Variants in GPC5 observed in about 807,000 individuals in gnomAD.
GPC5 encodes the protein glypican 5, also known as glypican-5.
A neutral mutation model predicts 53.9 loss-of-function variants in GPC5; 47 were observed. The ratio of observed to expected loss-of-function variants is 0.87; its 90% CI spans 0.69 to 1.11. The LOEUF is 1.11. GPC5 is among the 50% of genes most tolerant of loss of function. The pLI is 0.00. For synonymous variants in GPC5, 286 were observed against 263.3 expected (o/e 1.09, Z -0.84); for missense variants, 748 against 713.1 (o/e 1.05, Z -0.56).
intron 7 of GPC5, among the ~76,000 whole-genome samples, chr13:92,492,667 G>T (rs760050955): frequency 1.5e-3 from 224 of 152,182 alleles, no homozygotes; most frequent in Non-Finnish European, 2.6e-3. Flanking sequence ...AGTAAAACTA[G>T]AACAATCAAA....
rs867910855 is a variant in GPC5 at position 92,433,155 on chromosome 13, G to C, written c.1561+288166G>C. ...AGAATGGGAGGAATGTATGATACAG[G>C]AGAAGAAAAATAGAATATTTGCCAA... On this transcript the variant is annotated intron_variant, in intron 7 of 7. Transcript: ENST00000377067. 6.6e-5 allele frequency among the ~76,000 whole-genome samples: 10 copies of C among 152,176 alleles called. No homozygotes were observed. In the South Asian group the frequency reaches 8.3e-4, roughly 13 times the overall value.
At chr13:91,630,082 G>A (rs116016830) in intron 2 of GPC5, among the ~76,000 whole-genome samples, 1,794 of 152,246 alleles carry the variant, frequency 0.012, 18 homozygotes, top group African/African-American at 0.032. Context: ...ATCAAAGAAT[G>A]ACTCCTTGTA....
chr13:91,756,616 G>C (rs1049820008), intron 5 of GPC5, among the ~76,000 whole-genome samples, 196 bp downstream of exon 5: 1 of 151,332 alleles, frequency 6.6e-6, no homozygotes, highest in African/African-American at 2.4e-5. Context: ...AACTATAATA[G>C]CATTCTGTGG....
At chr13:92,548,795 G>A (rs1276896099) in intron 7 of GPC5, among the ~76,000 whole-genome samples, 1 of 151,816 alleles carries the variant, frequency 6.6e-6, no homozygotes, top group Non-Finnish European at 1.5e-5. Context: ...TTAATATCAA[G>A]TCTGCTCTAC....
intron 6 of GPC5, among the ~76,000 whole-genome samples, chr13:91,950,207 C>G (rs1327658118): frequency 6.6e-6 from 1 of 151,568 alleles, no homozygotes; most frequent in African/African-American, 2.4e-5. Context: ...CATGCTCTAA[C>G]CTTATTTCTC....
rs186458684 is a variant in GPC5 at position 92,326,236 on chromosome 13, C to T, written c.1561+181247C>T. Among the ~76,000 whole-genome samples, 112 of 152,032 alleles carry T rather than the reference C, an allele frequency of 7.4e-4. 1 individual carries two copies. Among genetic ancestry groups the T allele is most frequent in the African/African-American group, 2.5e-3 (103 of 41,504 alleles). On this transcript the variant is annotated intron_variant, in intron 7 of 7. Transcript: ENST00000377067. ...CTCATTCAGGTGTAATTCTACTTGC[C>T]GGTAAGTATATCCTGCAACTATGAT...
At chr13:92,080,811 G>A (rs542987788) in intron 6 of GPC5, among the ~76,000 whole-genome samples, 82 of 152,254 alleles carry the variant, frequency 5.4e-4, no homozygotes, top group African/African-American at 1.9e-3. Flanking sequence ...CTAACCACTT[G>A]TCCTGGCTCA....
intron 1 of GPC5, among the ~76,000 whole-genome samples, chr13:91,441,942 C>T (rs1880467339): frequency 6.6e-6 from 1 of 152,056 alleles, no homozygotes; most frequent in African/African-American, 2.4e-5. Context: ...TGTATTGGTA[C>T]CAAAGACTCT....
intron 3 of GPC5, among the ~76,000 whole-genome samples, chr13:91,708,318 T>C (rs2036153186): frequency 6.6e-6 from 1 of 152,094 alleles, no homozygotes; most frequent in Non-Finnish European, 1.5e-5. Flanking sequence ...ATACTCTGAG[T>C]TGGGTTTCCG....
At chr13:92,862,626 C>CAGATAGATAGAT (rs369002690) in intron 7 of GPC5, among the ~76,000 whole-genome samples, 582 of 129,752 alleles carry the variant, frequency 4.5e-3, no homozygotes, top group South Asian at 7.7e-3. Context: ...GATAGATAGA[C>CAGATAGATAGAT]AGATAGATAG....
chr13:92,123,004 A>G (rs747167644), intron 6 of GPC5, among the ~76,000 whole-genome samples: 4 of 152,258 alleles, frequency 2.6e-5, no homozygotes, highest in Non-Finnish European at 4.4e-5. Context: ...CTATTCTTTG[A>G]TACTGGTTTT....
At chr13:92,160,059 C>T (rs893042536) in intron 7 of GPC5, among the ~76,000 whole-genome samples, 1 of 152,084 alleles carries the variant, frequency 6.6e-6, no homozygotes, top group African/African-American at 2.4e-5. Flanking sequence ...CACACTGCCA[C>T]ACTGGGCTAA....
intron 2 of GPC5, among the ~76,000 whole-genome samples, chr13:91,665,505 C>CTTTTTTTTTTCTTTCT (rs2035088872): frequency 1.4e-5 from 2 of 146,132 alleles, no homozygotes; most frequent in African/African-American, 5.2e-5. Context: ...AAAAGCCAGT[C>CTTTTTTTTTTCTTTCT]TTTTTTTTTT....
chr13:92,371,151 A>AAAACC (rs765875912), intron 7 of GPC5, among the ~76,000 whole-genome samples: 1 of 152,358 alleles, frequency 6.6e-6, no homozygotes, highest in Non-Finnish European at 1.5e-5. Context: ...CACCATGTCC[A>AAAACC]AAACCAAACC....
intron 5 of GPC5, among the ~76,000 whole-genome samples, chr13:91,869,405 C>A (rs2039119712): frequency 6.6e-6 from 1 of 152,154 alleles, no homozygotes. Context: ...TATTCTTGGA[C>A]AAAGCCAGAG....
At chr13:91,564,745 A>G (rs2031447432) in intron 2 of GPC5, among the ~76,000 whole-genome samples, 1 of 152,116 alleles carries the variant, frequency 6.6e-6, no homozygotes, top group South Asian at 2.1e-4. Context: ...TCCAGGTATC[A>G]AATATGGGCT....
chr13:91,694,087 C>T (rs999871672), intron 3 of GPC5, among the ~76,000 whole-genome samples: 4 of 152,058 alleles, frequency 2.6e-5, no homozygotes, highest in African/African-American at 7.2e-5. Flanking sequence ...AGTACTGTGA[C>T]GTGGCAAGAG....
At chr13:92,389,298 C>A (rs1450552583) in intron 7 of GPC5, among the ~76,000 whole-genome samples, 2 of 152,068 alleles carry the variant, frequency 1.3e-5, no homozygotes, top group Non-Finnish European at 2.9e-5. Flanking sequence ...AAGATCACAC[C>A]CTTTGGAACA....
intron 7 of GPC5, among the ~76,000 whole-genome samples, chr13:92,858,053 C>A (rs1879061900): frequency 6.6e-6 from 1 of 152,140 alleles, no homozygotes; most frequent in Admixed American, 6.5e-5. Context: ...ATAGCAAAGA[C>A]CTAGAACCAA....
Sources: gnomAD v4.1 joint callset for allele counts (sites outside exome capture counted in the v4.1 genomes callset) on GRCh38, gnomAD v4.1.1 for gene constraint, MANE v1.5 for transcripts, NCBI Gene and HGNC (gene_info 2026-07-23, HGNC 2026-07-21) for gene names.